The following SPPL3 variants were observed in gnomAD, a reference collection of about 807,000 sequenced individuals.
SPPL3 encodes signal peptide peptidase like 3, also known as signal peptide peptidase-like 3.
A neutral mutation model predicts 42.4 loss-of-function variants in SPPL3; 5 were observed. The ratio of observed to expected loss-of-function variants is 0.12; its 90% CI spans 0.06 to 0.25. The LOEUF (loss-of-function observed/expected upper bound fraction) is 0.25. Ranked by LOEUF, SPPL3 falls within the 10% of genes least tolerant of loss-of-function variation. The pLI is 1.00. For synonymous variants in SPPL3, 195 were observed against 181.8 expected (o/e 1.07, Z -0.58); for missense variants, 235 against 489.0 (o/e 0.48, Z 4.90).
chr12:120,886,580 T>C (rs573206379), intron 1 of SPPL3, among the ~76,000 whole-genome samples: 1 of 152,208 alleles, frequency 6.6e-6, no homozygotes, highest in Non-Finnish European at 1.5e-5. Flanking sequence ...ACATCTCTAA[T>C]GAGGAGGGAG....
intron 1 of SPPL3, among the ~76,000 whole-genome samples, chr12:120,848,968 A>G (rs528467247): frequency 2.0e-5 from 3 of 152,202 alleles, no homozygotes; most frequent in African/African-American, 7.2e-5. Flanking sequence ...GATGTAATAC[A>G]AACTTGATTA....
intron 1 of SPPL3, among the ~76,000 whole-genome samples, chr12:120,828,046 C>T (rs1183284): frequency 6.6e-6 from 1 of 152,190 alleles, no homozygotes; most frequent in Non-Finnish European, 1.5e-5. Context: ...CCTCAGCCTC[C>T]CAAAGTGTTG....
chr12:120,802,360 T>C (rs145931756), intron 2 of SPPL3, among the ~76,000 whole-genome samples: 2,797 of 146,378 alleles, frequency 0.019, 52 homozygotes, highest in South Asian at 0.05. Context: ...TGTATGTGTG[T>C]ATATATATAC....
At chr12:120,901,590 T>TG (rs1873985019) in intron 1 of SPPL3, among the ~76,000 whole-genome samples, 1 of 103,448 alleles carries the variant, frequency 9.7e-6, no homozygotes, top group Admixed American at 1.2e-4. Flanking sequence ...GACTCCGTCC[T>TG]AAAAAAAAAA....
rs188125402 is a variant in SPPL3, at chr12:120,823,491, T to C, written c.24-12605A>G. Among the ~76,000 whole-genome samples the C allele has an allele frequency of 5.9e-3, 895 of 152,148 alleles. 11 individuals are homozygous for C. The highest frequency in any genetic ancestry group is 0.02 in the African/African-American group (809 of 41,418). ...TGCAGGATCTGACAACAGTAGCCAC[T>C]TCCTTTTCTTGAAACAATTTTATCC... is the stretch of plus-strand genomic sequence containing the variant. On this transcript the variant is annotated intron_variant, in intron 1 of 10. Transcript: ENST00000353487.
At chr12:120,873,659 G>A (rs1872994831) in intron 1 of SPPL3, among the ~76,000 whole-genome samples, 1 of 152,122 alleles carries the variant, frequency 6.6e-6, no homozygotes, top group Admixed American at 6.5e-5. Context: ...TGGATCATGA[G>A]GTCAGGAGTT....
chr12:120,901,615 A>T (rs1873987397), intron 1 of SPPL3, among the ~76,000 whole-genome samples: 1 of 145,862 alleles, frequency 6.9e-6, no homozygotes, highest in South Asian at 2.3e-4. Context: ...AAAAAAAGGA[A>T]ACTGCCCACT....
rs140346042 is a variant in SPPL3, at chr12:120,844,571, A to C, written c.24-33685T>G. ...ATGGCTGAGTGCCCTTTGATTTCTCAATACAAACACTATGTCAGTTTCACT... is the reference window on the plus strand; with the variant it reads ...ATGGCTGAGTGCCCTTTGATTTCTCCATACAAACACTATGTCAGTTTCACT... On this transcript the variant is annotated intron_variant, in intron 1 of 10. Coordinates refer to ENST00000353487, the MANE Select transcript of SPPL3 (RefSeq NM_139015.5). Among the ~76,000 whole-genome samples, 172 of 152,238 alleles carry C rather than the reference A, an allele frequency of 1.1e-3. 1 individual carries two copies. Among genetic ancestry groups the C allele is most frequent in the African/African-American group, 3.8e-3 (159 of 41,538 alleles).
intron 1 of SPPL3, among the ~76,000 whole-genome samples, chr12:120,842,705 T>G (rs2137027220): frequency 6.6e-6 from 1 of 152,206 alleles, no homozygotes; most frequent in Admixed American, 6.5e-5. Flanking sequence ...ATAAGGGCAC[T>G]AATCCCATTA....
chr12:120,788,734 G>C (rs1201183586), intron 3 of SPPL3, among the ~76,000 whole-genome samples: 1 of 152,070 alleles, frequency 6.6e-6, no homozygotes, highest in Non-Finnish European at 1.5e-5. Flanking sequence ...AAAAACTTCT[G>C]ATTACTGTCT....
chr12:120,781,680 C>T (rs111613883), intron 6 of SPPL3, among the ~76,000 whole-genome samples: 2,498 of 147,418 alleles, frequency 0.017, 26 homozygotes, highest in South Asian at 0.069. Context: ...TTCACACCTC[C>T]GGAGTTCTCC....
At chr12:120,874,119 T>C (rs951168137) in intron 1 of SPPL3, among the ~76,000 whole-genome samples, 4 of 151,670 alleles carry the variant, frequency 2.6e-5, no homozygotes, top group African/African-American at 7.3e-5. Flanking sequence ...AAATACCAGA[T>C]GGAAATGTGC....
chr12:120,871,561 C>T (rs1067742), intron 1 of SPPL3, among the ~76,000 whole-genome samples: 37,052 of 151,802 alleles, frequency 0.24, 5,613 homozygotes, highest in Non-Finnish European at 0.35. Flanking sequence ...GAGACCAGCC[C>T]GGCCAACGTG....
chr12:120,846,452 A>G (rs1289909176), intron 1 of SPPL3, among the ~76,000 whole-genome samples: 1 of 152,228 alleles, frequency 6.6e-6, no homozygotes, highest in Non-Finnish European at 1.5e-5. Context: ...AATAATCGAC[A>G]GTGTCTGGTT....
At chr12:120,802,441 T>TC (rs1870346262) in intron 2 of SPPL3, among the ~76,000 whole-genome samples, 1 of 144,110 alleles carries the variant, frequency 6.9e-6, no homozygotes, top group Non-Finnish European at 1.5e-5. Flanking sequence ...ATTTTTTTTT[T>TC]TTTTCCTTTT....
At chr12:120,794,450 T>C (rs992565709) in intron 2 of SPPL3, among the ~76,000 whole-genome samples, 6 of 152,108 alleles carry the variant, frequency 3.9e-5, no homozygotes, top group African/African-American at 1.4e-4. Context: ...CAGGCTGGAG[T>C]GCAGCAGTGT....
intron 1 of SPPL3, among the ~76,000 whole-genome samples, chr12:120,876,360 T>C (rs1461536441): frequency 3.3e-5 from 5 of 151,954 alleles, no homozygotes; most frequent in Non-Finnish European, 7.4e-5. Context: ...ACGCCTGTAA[T>C]CTCAGCACTT....
chr12:120,851,516 C>G (rs576158525), intron 1 of SPPL3, among the ~76,000 whole-genome samples: 4 of 152,148 alleles, frequency 2.6e-5, no homozygotes, highest in Non-Finnish European at 5.9e-5. Context: ...GTATTTGTGT[C>G]CTAATAGCTC....
intron 6 of SPPL3, among the ~76,000 whole-genome samples, chr12:120,777,748 G>A (rs1869375560): frequency 6.6e-6 from 1 of 152,214 alleles, no homozygotes; most frequent in South Asian, 2.1e-4. Flanking sequence ...GGTAGCCATT[G>A]CACTTCAGAC....
Sources: allele counts gnomAD v4.1 joint callset (sites outside exome capture counted in the v4.1 genomes callset), GRCh38; gene constraint gnomAD v4.1.1; transcripts MANE v1.5; gene names NCBI Gene and HGNC (gene_info 2026-07-23, HGNC 2026-07-21).